Variants in FAM81B observed in about 807,000 individuals in gnomAD.
The protein encoded by FAM81B is family with sequence similarity 81 member B.
A neutral mutation model predicts 58.7 loss-of-function variants in FAM81B; 60 were observed. The observed-to-expected ratio is 1.02, with a 90% CI of 0.83 to 1.27. The LOEUF (loss-of-function observed/expected upper bound fraction) is 1.27. Ranked by LOEUF, FAM81B falls within the 50% of genes most tolerant of loss-of-function variation. The probability of loss-of-function intolerance (pLI) is 0.00; values close to 1 mark genes in which losing one functional copy is unlikely to be tolerated. For synonymous variants in FAM81B, 189 were observed against 179.6 expected (o/e 1.05, Z -0.42); for missense variants, 491 against 522.0 (o/e 0.94, Z 0.58).
chr5:95,396,929 G>A (rs1333661694), intron 3 of FAM81B: 1 of 152,132 alleles, frequency 6.6e-6, no homozygotes, highest in Admixed American at 6.5e-5. Context: ...AAAACAAAGA[G>A]GTTGGACTAG....
In FAM81B at chr5:95,391,489, G is replaced by A. The variant is rs761180106; in HGVS notation, c.100G>A (p.Gly34Arg). The A allele has an allele frequency of 6.2e-7, 1 of 1,613,390 alleles. No individual in the cohort carries two copies. Residue 34 changes from glycine (G) to arginine (R), a missense_variant, in exon 1 of 10, where the codon GGA becomes AGA. Transcript: ENST00000283357. ...KNIKSTKNKA[G>R]KASIMSSDTN... ...TATCAAATCTACAAAAAATAAAGCT[G>A]GAAAAGCAAGCATCATGAGTTCAGG...
chr5:95,409,486 T>TTTTTTTTTTTTTTTTTTTTG (rs1554043553), intron 3 of FAM81B, among the ~76,000 whole-genome samples: 2 of 151,400 alleles, frequency 1.3e-5, no homozygotes, highest in African/African-American at 4.9e-5. Context: ...GAATTTTTCT[T>TTTTTTTTTTTTTTTTTTTTG]AATGTGGCTA....
intron 1 of FAM81B, among the ~76,000 whole-genome samples, chr5:95,392,306 G>C (rs1761844397): frequency 6.6e-6 from 1 of 152,134 alleles, no homozygotes; most frequent in Non-Finnish European, 1.5e-5. Context: ...TGAACAATGA[G>C]AACACATGGA....
At chr5:95,426,713 C>T (rs997913123) in intron 5 of FAM81B, among the ~76,000 whole-genome samples, 5 of 152,148 alleles carry the variant, frequency 3.3e-5, no homozygotes, top group African/African-American at 1.2e-4. Context: ...ATCATTTCCC[C>T]TTTTTTTCAG....
chr5:95,428,872 C>T, intron 6 of FAM81B, 140 bp downstream of exon 6: 1 of 1,106,486 alleles, frequency 9.0e-7, no homozygotes, highest in South Asian at 1.5e-5. Flanking sequence ...ACAGCTCACT[C>T]ATATACGCCA....
chr5:95,415,357 C>G (rs1762513145), intron 4 of FAM81B, among the ~76,000 whole-genome samples: 1 of 152,148 alleles, frequency 6.6e-6, no homozygotes, highest in Admixed American at 6.5e-5. Flanking sequence ...ATTGAACCAG[C>G]AATTACTCCT....
At chr5:95,419,774 G>A (rs1263141105) in intron 4 of FAM81B, among the ~76,000 whole-genome samples, 6 of 152,078 alleles carry the variant, frequency 3.9e-5, no homozygotes, top group Non-Finnish European at 7.4e-5. Flanking sequence ...ACTTGCTTGC[G>A]CTGTGTTAAC....
chr5:95,420,257 A>C lies in FAM81B; in HGVS notation c.538-27A>C, dbSNP rs1407618742. On this transcript the variant is annotated intron_variant, in intron 4 of 9. Coordinates refer to ENST00000283357, the MANE Select transcript of FAM81B (RefSeq NM_152548.3). ...TCCTTATCATGTGTGATGGGAAATT[A>C]ATGGGAAATTTGACTCAAAATTACA... The C allele has an allele frequency of 1.9e-6, 3 of 1,612,226 alleles. No individual in the cohort carries two copies. The Admixed American group carries it at 5.0e-5, about 27-fold the overall frequency.
intron 7 of FAM81B, chr5:95,440,218 T>G (rs927628561): frequency 3.0e-6 from 2 of 659,048 alleles, no homozygotes; most frequent in Admixed American, 3.7e-5. Flanking sequence ...GACTGGCTTC[T>G]CGGTCTAGCT....
intron 3 of FAM81B, among the ~76,000 whole-genome samples, chr5:95,405,870 T>C (rs1373420988): frequency 1.3e-5 from 2 of 152,202 alleles, no homozygotes; most frequent in African/African-American, 2.4e-5. Flanking sequence ...ACACTTGCTT[T>C]CCCACCCTGT....
At chr5:95,440,098 G>A (rs1440786554) in intron 7 of FAM81B, 1 of 531,952 alleles carries the variant, frequency 1.9e-6, no homozygotes, top group East Asian at 4.7e-5. Context: ...CAAGATTGAA[G>A]ACAGCTAATT....
At chr5:95,440,887 C>T (rs1035041457) in intron 7 of FAM81B, among the ~76,000 whole-genome samples, 1 of 152,158 alleles carries the variant, frequency 6.6e-6, no homozygotes. Flanking sequence ...GCCAGGGCCA[C>T]CTTCACTCGG....
At chr5:95,428,786 A>C in intron 6 of FAM81B, 54 bp downstream of exon 6, 3 of 1,603,496 alleles carry the variant, frequency 1.9e-6, no homozygotes, top group Non-Finnish European at 2.6e-6. Flanking sequence ...AAGTAAGATC[A>C]TTATAGCTTA....
At chr5:95,401,588 G>T (rs1050197357) in intron 3 of FAM81B, among the ~76,000 whole-genome samples, 1 of 147,726 alleles carries the variant, frequency 6.8e-6, no homozygotes. Flanking sequence ...TTCACTTCAG[G>T]TTTTTTTTTT....
intron 3 of FAM81B, among the ~76,000 whole-genome samples, chr5:95,409,704 C>T (rs1284998771): frequency 6.6e-6 from 1 of 152,166 alleles, no homozygotes; most frequent in African/African-American, 2.4e-5. Context: ...GCCATCCACA[C>T]ACACTGATCC....
chr5:95,423,375 G>A (rs1762737290), intron 5 of FAM81B, among the ~76,000 whole-genome samples: 2 of 151,976 alleles, frequency 1.3e-5, no homozygotes, highest in African/African-American at 2.4e-5. Context: ...GGTCATCAGA[G>A]AGAGAGGTCA....
chr5:95,445,768 A>C (rs1233159148), intron 7 of FAM81B, among the ~76,000 whole-genome samples: 1 of 151,964 alleles, frequency 6.6e-6, no homozygotes, highest in Non-Finnish European at 1.5e-5. Flanking sequence ...GACAAATGCA[A>C]CCTAAAGTCC....
Position 95,448,421 on chromosome 5 carries a change from G to T in FAM81B, c.1182G>T (p.Gln394His), listed in dbSNP as rs749381783. Reference sequence around the variant, plus strand: ...AAAAGATGGAACAAATGGAAAAGCAGATCTGGGGTGAATTAGAGACAATGC... The same window carrying T: ...AAAAGATGGAACAAATGGAAAAGCATATCTGGGGTGAATTAGAGACAATGC... The part of the protein sequence containing the change: ...LSKKMEQMEK[Q>H]IWGELETMQN... Residue 394 changes from glutamine to histidine, a missense_variant, in exon 9 of 10, where the codon CAG becomes CAT. Coordinates refer to ENST00000283357, the MANE Select transcript of FAM81B (RefSeq NM_152548.3). The T allele has an allele frequency of 6.2e-7, 1 of 1,610,840 alleles. No individual in the cohort carries two copies. Among genetic ancestry groups the T allele is most frequent in the South Asian group, 1.1e-5 (1 of 89,880 alleles).
chr5:95,399,718 C>T (rs1295918817), intron 3 of FAM81B, among the ~76,000 whole-genome samples: 1 of 152,156 alleles, frequency 6.6e-6, no homozygotes, highest in East Asian at 1.9e-4. Context: ...ACAGAGGGAG[C>T]CCCCACCAAC....
Sources: allele counts gnomAD v4.1 joint callset (sites outside exome capture counted in the v4.1 genomes callset), GRCh38; gene constraint gnomAD v4.1.1; transcripts MANE v1.5; gene names NCBI Gene and HGNC (gene_info 2026-07-23, HGNC 2026-07-21).